GPC3: variants seen among roughly 807,000 people sequenced by gnomAD.
GPC3 encodes the protein glypican 3.
In GPC3, 3 loss-of-function variants were observed where a neutral mutation model predicts 34.4. The ratio of observed to expected loss-of-function variants is 0.09; its 90% CI spans 0.04 to 0.23. The LOEUF (loss-of-function observed/expected upper bound fraction) is 0.23, where lower values mean the gene tolerates loss of function less well. Among genes scored for constraint, GPC3 ranks in the 10% least tolerant of loss-of-function variants. The probability of loss-of-function intolerance (pLI) is 1.00; values close to 1 mark genes in which losing one functional copy is unlikely to be tolerated. For missense variants in GPC3, 351 were observed against 445.6 expected, an observed-to-expected ratio of 0.79 and a Z score of 1.91; for synonymous variants, 177 against 174.0, an observed-to-expected ratio of 1.02 and a Z score of -0.13.
intron 2 of GPC3, among the ~76,000 whole-genome samples, chrX:133,825,348 C>A (rs2075741166): frequency 2.7e-5 from 3 of 111,989 alleles, no homozygotes; most frequent in Admixed American, 9.5e-5. Context: ...CCTGGTGCAG[C>A]CTGACAGCCA....
intron 5 of GPC3, among the ~76,000 whole-genome samples, chrX:133,673,713 G>A (rs555813073): frequency 3.1e-4 from 35 of 111,983 alleles, no homozygotes; most frequent in East Asian, 5.6e-4. Flanking sequence ...AAACCTTGCC[G>A]AACTTGAGTT....
intron 5 of GPC3, among the ~76,000 whole-genome samples, chrX:133,668,499 A>G (rs756002297): frequency 9.2e-6 from 1 of 108,484 alleles, no homozygotes; most frequent in East Asian, 2.9e-4. Context: ...TGTATATTCC[A>G]TTTGCCACCC....
intron 5 of GPC3, among the ~76,000 whole-genome samples, chrX:133,663,631 C>T (rs1287470317): frequency 9.0e-6 from 1 of 111,635 alleles, no homozygotes; most frequent in Non-Finnish European, 1.9e-5. Flanking sequence ...TGTGTGTTAT[C>T]TCCACAGGGT....
At chrX:133,860,334 C>T (rs983669303) in intron 2 of GPC3, among the ~76,000 whole-genome samples, 2 of 111,046 alleles carry the variant, frequency 1.8e-5, no homozygotes, top group African/African-American at 6.6e-5. Flanking sequence ...GAAACACTCA[C>T]TGGGCTAAGG....
intron 2 of GPC3, among the ~76,000 whole-genome samples, chrX:133,893,988 G>A (rs957181973): frequency 2.7e-5 from 3 of 110,615 alleles, no homozygotes; most frequent in South Asian, 8.0e-4. Context: ...GATTACAGGC[G>A]CCCGCCATCA....
chrX:133,587,807 G>A (rs1402384240), intron 7 of GPC3, among the ~76,000 whole-genome samples: 1 of 111,649 alleles, frequency 9.0e-6, no homozygotes, highest in Non-Finnish European at 1.9e-5. Flanking sequence ...TTATGAGGTG[G>A]GTAGGTCAGG....
At chrX:133,607,093 T>G (rs183832291) in intron 6 of GPC3, among the ~76,000 whole-genome samples, 1 of 111,065 alleles carries the variant, frequency 9.0e-6, no homozygotes, top group Non-Finnish European at 1.9e-5. Flanking sequence ...ATCTGTTCTC[T>G]TAGTTGATCT....
At chrX:133,701,477 C>T (rs2071166983) in intron 3 of GPC3, among the ~76,000 whole-genome samples, 1 of 112,058 alleles carries the variant, frequency 8.9e-6, no homozygotes, top group Non-Finnish European at 1.9e-5. Context: ...GGCTTACATT[C>T]TCCATTGTAG....
At chrX:133,962,494 A>C (rs2076445939) in intron 1 of GPC3, among the ~76,000 whole-genome samples, 2 of 111,851 alleles carry the variant, frequency 1.8e-5, no homozygotes, top group African/African-American at 6.5e-5. Context: ...ACTTTTAGAA[A>C]AGCGAAAGTA....
intron 2 of GPC3, among the ~76,000 whole-genome samples, chrX:133,883,818 A>T (rs1032193088): frequency 3.6e-5 from 4 of 112,161 alleles, no homozygotes; most frequent in African/African-American, 1.3e-4. Context: ...ATTCTTCAAC[A>T]CTGCAACCGT....
chrX:133,871,347 T>A (rs73567100), intron 2 of GPC3, among the ~76,000 whole-genome samples: 5,035 of 111,614 alleles, frequency 0.045, 267 homozygotes, highest in African/African-American at 0.15. Context: ...TCACAAATTC[T>A]ATCAGTTCTC....
chrX:133,722,748 C>T (rs1312314821), intron 3 of GPC3, among the ~76,000 whole-genome samples: 1 of 111,413 alleles, frequency 9.0e-6, no homozygotes, highest in African/African-American at 3.3e-5. Context: ...GATTGCCTTG[C>T]ACTGTAAGCA....
chrX:133,621,575 G>C (rs751171288), intron 6 of GPC3, among the ~76,000 whole-genome samples: 1 of 112,006 alleles, frequency 8.9e-6, no homozygotes, highest in Non-Finnish European at 1.9e-5. Context: ...GTCTGAGATC[G>C]AACTGCAAGG....
chrX:133,596,586 A>G lies in GPC3; in HGVS notation c.1427T>C (p.Met476Thr), dbSNP rs1384977032. The change falls in exon 7 of 8, where the codon ATG becomes ACG. Residue 476 changes from methionine (M) to threonine (T), a missense_variant. Met to Thr is a moderately conservative substitution (Grantham distance 81, BLOSUM62 -1). Transcript: ENST00000370818. Reference protein sequence around the residue: ...LKHINQLLRTMSMPKGRVLDK... With the variant: ...LKHINQLLRTTSMPKGRVLDK... ...CAGAACTCTACCTTTGGGCATAGAC[A>G]TGGTTCTCAGGAGCTGAAAGAAAAC... The G allele has an allele frequency of 8.3e-7, 1 of 1,211,077 alleles. No individual in the cohort carries two copies. Among genetic ancestry groups the G allele is most frequent in the East Asian group, 3.0e-5 (1 of 33,832 alleles).
intron 6 of GPC3, among the ~76,000 whole-genome samples, chrX:133,614,708 G>A (rs1401818799): frequency 9.0e-6 from 1 of 111,530 alleles, no homozygotes; most frequent in Non-Finnish European, 1.9e-5. Flanking sequence ...TAAATAATAA[G>A]TACTAGAGTA....
Position 133,766,419 on chromosome X carries a change from C to T in GPC3, c.338-12243G>A, listed in dbSNP as rs777672902. ...GTGATAAATACAAGATGGCCTATCT[C>T]ATTTGAAAACCATAAAATACCATAT... On this transcript the variant is annotated intron_variant, in intron 2 of 7. Transcript: ENST00000370818. Among the ~76,000 whole-genome samples, 4 of 112,083 alleles carry T rather than the reference C, an allele frequency of 3.6e-5. No homozygotes were observed. In the East Asian group the frequency reaches 1.1e-3, roughly 31 times the overall value.
intron 6 of GPC3, among the ~76,000 whole-genome samples, chrX:133,625,221 G>A (rs750635323): frequency 3.3e-4 from 37 of 111,616 alleles, no homozygotes; most frequent in East Asian, 1.1e-3. Flanking sequence ...ACTGAATGGG[G>A]AAAAACTGGA....
intron 6 of GPC3, among the ~76,000 whole-genome samples, chrX:133,631,537 T>C (rs772378976): frequency 3.0e-4 from 34 of 112,132 alleles, no homozygotes; most frequent in Non-Finnish European, 4.5e-4. Flanking sequence ...GCCAATAACT[T>C]TTGGCTATTA....
At chrX:133,931,414 C>T (rs2076297881) in intron 2 of GPC3, among the ~76,000 whole-genome samples, 1 of 110,616 alleles carries the variant, frequency 9.0e-6, no homozygotes, top group Non-Finnish European at 1.9e-5. Context: ...GCGATTAAAT[C>T]CTCAGGATAG....
Sources: allele counts gnomAD v4.1 joint callset (sites outside exome capture counted in the v4.1 genomes callset), GRCh38; gene constraint gnomAD v4.1.1; transcripts MANE v1.5; gene names NCBI Gene and HGNC (gene_info 2026-07-23, HGNC 2026-07-21).